The following UST variants were observed in gnomAD, a reference collection of about 807,000 sequenced individuals.
UST encodes the protein uronyl 2-sulfotransferase, also known as chondroitin sulfate 2-O-sulfotransferase.
UST carries 21 observed loss-of-function variants against 45.6 expected under a neutral mutation model. That is an observed-to-expected ratio of 0.46 (90% CI 0.33 to 0.66). The LOEUF is 0.66. UST is among the 30% of genes least tolerant of loss of function. UST has a pLI of 0.02. For synonymous variants in UST, 215 were observed against 200.6 expected (o/e 1.07, Z -0.61); for missense variants, 463 against 512.4 (o/e 0.90, Z 0.93).
intron 4 of UST, among the ~76,000 whole-genome samples, chr6:148,959,970 G>A (rs1328747713): frequency 6.6e-6 from 1 of 151,964 alleles, no homozygotes; most frequent in Non-Finnish European, 1.5e-5. Flanking sequence ...TTGTTACTGT[G>A]ACGGGCTCCA....
At chr6:149,062,296 C>T (rs983267150) in intron 7 of UST, among the ~76,000 whole-genome samples, 7 of 152,322 alleles carry the variant, frequency 4.6e-5, no homozygotes, top group Admixed American at 4.6e-4. Flanking sequence ...GGAAAGTTTG[C>T]TCAGGAAGGA....
At chr6:149,010,302 C>A (rs1775784084) in intron 5 of UST, among the ~76,000 whole-genome samples, 1 of 152,176 alleles carries the variant, frequency 6.6e-6, no homozygotes, top group South Asian at 2.1e-4. Flanking sequence ...ACGTGTTTTC[C>A]AGACTCTCTG....
chr6:148,815,111 T>C (rs1354673082), intron 1 of UST, among the ~76,000 whole-genome samples: 3 of 152,252 alleles, frequency 2.0e-5, no homozygotes, highest in Admixed American at 6.5e-5. Flanking sequence ...TGCACCAATA[T>C]GGAATGAACT....
At chr6:148,815,017 G>A (rs1233749061) in intron 1 of UST, among the ~76,000 whole-genome samples, 2 of 152,148 alleles carry the variant, frequency 1.3e-5, no homozygotes, top group African/African-American at 2.4e-5. Context: ...AAGATTGAAA[G>A]CAACATAAAT....
At chr6:148,860,796 G>A (rs140345955) in intron 1 of UST, among the ~76,000 whole-genome samples, 111 of 152,272 alleles carry the variant, frequency 7.3e-4, no homozygotes, top group African/African-American at 2.6e-3. Context: ...GCTGGATTAC[G>A]TTTATTGATT....
At chr6:148,756,416 C>T (rs868867733) in intron 1 of UST, among the ~76,000 whole-genome samples, 1 of 152,164 alleles carries the variant, frequency 6.6e-6, no homozygotes, top group Non-Finnish European at 1.5e-5. Flanking sequence ...AGCATGAGAA[C>T]GGACTAATAC....
In UST at chr6:148,747,458, G is replaced by A; in HGVS notation, c.28G>A (p.Gly10Ser). MKKKQQHPG[G>S]GADPWPHGAP... is the part of the protein sequence containing the mutation. ...GAAGAAGAAGCAGCAGCATCCCGGC[G>A]GCGGCGCGGATCCCTGGCCCCATGG... The change falls in exon 1 of 8, where the codon GGC becomes AGC. Residue 10 changes from glycine (G) to serine (S), a missense_variant. Gly to Ser is a moderately conservative substitution (Grantham distance 56). This residue lies in a region of UST where 176 missense variants were observed against 138.3 expected (regional missense o/e 1.27). Transcript: ENST00000367463. 7.0e-7 allele frequency: 1 copy of A among 1,429,782 alleles called. No individual in the cohort carries two copies. 88.6% of individuals were successfully genotyped at this position (1,429,782 alleles called of 1,614,324 possible).
chr6:148,878,041 T>A, intron 1 of UST, among the ~76,000 whole-genome samples: 1 of 87,464 alleles, frequency 1.1e-5, no homozygotes, highest in African/African-American at 4.7e-5. Context: ...AGATTGTGTA[T>A]GAGTGGGGGG....
intron 2 of UST, among the ~76,000 whole-genome samples, chr6:148,904,785 C>G (rs552218205): frequency 5.9e-5 from 9 of 152,160 alleles, no homozygotes; most frequent in Non-Finnish European, 1.0e-4. Flanking sequence ...TCCCAAAGTG[C>G]TAAGATAACA....
At chr6:148,873,651 C>G (rs895985253) in intron 1 of UST, among the ~76,000 whole-genome samples, 5 of 152,196 alleles carry the variant, frequency 3.3e-5, no homozygotes, top group Non-Finnish European at 2.9e-5. Context: ...AGTCAGGCTA[C>G]TGGTGTCAAA....
Position 148,896,653 on chromosome 6 carries a change from T to C in UST, c.291+9624T>C, listed in dbSNP as rs576336454. ...TTCAATTATTTTTAATTATGAACTA[T>C]TCCAAACACAAAAAAAATGAATGAG... is the stretch of plus-strand genomic sequence containing the variant. On this transcript the variant is annotated intron_variant, in intron 2 of 7. Transcript: ENST00000367463. Among the ~76,000 whole-genome samples the C allele has an allele frequency of 7.2e-5, 11 of 152,316 alleles. No individual in the cohort carries two copies. The South Asian group carries it at 1.9e-3, about 26-fold the overall frequency.
Position 148,934,145 on chromosome 6 carries a change from C to T in UST, c.292-7134C>T, listed in dbSNP as rs1226728300. On this transcript the variant is annotated intron_variant, in intron 2 of 7. Transcript: ENST00000367463. This position sits in a 1 kb window ranked among gnomAD's most constrained non-coding sequence, Gnocchi z 4.1. ...TTTCCCCTTTTTATAAGTGAGGAAA[C>T]TGGGGCTCAAGGGTGTGAAGTGACT... is the stretch of plus-strand genomic sequence containing the variant. 1.3e-5 allele frequency among the ~76,000 whole-genome samples: 2 copies of T among 152,070 alleles called. No homozygotes were observed. The highest frequency in any genetic ancestry group is 4.8e-5 in the African/African-American group (2 of 41,402).
chr6:148,861,090 C>T (rs535188982), intron 1 of UST, among the ~76,000 whole-genome samples: 34 of 152,260 alleles, frequency 2.2e-4, no homozygotes, highest in Non-Finnish European at 1.0e-4. Flanking sequence ...CCTCTCTATA[C>T]CTCTGGTAGA....
At chr6:148,946,813 CAAAAAAAAAAAAAAAAA>C (rs60990121) in intron 3 of UST, among the ~76,000 whole-genome samples, 17,655 of 57,240 alleles carry the variant, frequency 0.31, 1,666 homozygotes, top group South Asian at 0.45. Context: ...GACTCCATCC[CAAAAAAAAAAAAAAAAA>C]AAAAAAAAAA....
chr6:148,925,713 C>G (rs1312177635), intron 2 of UST, among the ~76,000 whole-genome samples: 1 of 152,250 alleles, frequency 6.6e-6, no homozygotes, highest in Non-Finnish European at 1.5e-5. Flanking sequence ...CCCATGATGA[C>G]TGGATGAACA....
At chr6:149,033,031 G>A (rs1243483158) in intron 7 of UST, among the ~76,000 whole-genome samples, 1 of 152,100 alleles carries the variant, frequency 6.6e-6, no homozygotes, top group East Asian at 1.9e-4. Context: ...TCCTGATAAC[G>A]CCACAAAGCT....
intron 7 of UST, among the ~76,000 whole-genome samples, chr6:149,028,166 C>T (rs1385366609): frequency 6.6e-5 from 10 of 152,136 alleles, no homozygotes; most frequent in Non-Finnish European, 1.5e-4. Flanking sequence ...ATGATTAGAG[C>T]ACAGGCTCTG....
At chr6:148,768,566 A>C (rs58598590) in intron 1 of UST, among the ~76,000 whole-genome samples, 30,036 of 152,052 alleles carry the variant, frequency 0.2, 3,288 homozygotes, top group African/African-American at 0.3. Flanking sequence ...TTTTCTTCTC[A>C]TTCTATTGTT....
intron 7 of UST, among the ~76,000 whole-genome samples, chr6:149,044,636 G>A (rs1055517890): frequency 2.6e-5 from 4 of 152,244 alleles, no homozygotes; most frequent in South Asian, 2.1e-4. Context: ...TGCCTCATTC[G>A]GCCATGGGGT....
Sources: allele counts gnomAD v4.1 joint callset (sites outside exome capture counted in the v4.1 genomes callset), GRCh38; gene constraint gnomAD v4.1.1; regional missense constraint gnomAD v4.1.1; non-coding constraint Gnocchi (gnomAD v3.1); transcripts MANE v1.5; gene names NCBI Gene and HGNC (gene_info 2026-07-23, HGNC 2026-07-21).